Variants in LOXHD1 observed in about 807,000 individuals in gnomAD.
The protein encoded by LOXHD1 is lipoxygenase homology PLAT domains 1, also known as lipoxygenase homology domain-containing protein 1.
In LOXHD1, 205 loss-of-function variants were observed where a neutral mutation model predicts 248.2. The ratio of observed to expected loss-of-function variants is 0.83; its 90% CI spans 0.74 to 0.93. The LOEUF is 0.93. Ranked by LOEUF, LOXHD1 falls within the 40% of genes least tolerant of loss-of-function variation. The pLI is 0.00. For synonymous variants in LOXHD1, 1,113 were observed against 1,162.8 expected (o/e 0.96, Z 0.87); for missense variants, 2,930 against 2,971.6 (o/e 0.99, Z 0.33).
At chr18:46,593,876 G>C in intron 9 of LOXHD1, 116 bp from the exon 10 acceptor site, 1 of 1,058,286 alleles carries the variant, frequency 9.4e-7, no homozygotes. Flanking sequence ...GGTATACACA[G>C]GTGTGTCCCA....
At chr18:46,532,712 A>T (rs41473151) in intron 28 of LOXHD1, among the ~76,000 whole-genome samples, 27,571 of 152,198 alleles carry the variant, frequency 0.18, 2,693 homozygotes, top group Middle Eastern at 0.23. Context: ...GAACAAATAC[A>T]CAATGGTTCC....
intron 34 of LOXHD1, among the ~76,000 whole-genome samples, chr18:46,512,949 T>C (rs2035052647): frequency 6.6e-6 from 1 of 152,120 alleles, no homozygotes; most frequent in African/African-American, 2.4e-5. Context: ...AAATAAGATA[T>C]ATGGCCTGAT....
In LOXHD1 at chr18:46,548,418, G is replaced by C. The variant is rs187325309; in HGVS notation, c.3351-1360C>G. Among the ~76,000 whole-genome samples, 18 of 152,282 alleles carry C rather than the reference G, an allele frequency of 1.2e-4. No individual in the cohort carries two copies. The East Asian group carries it at 3.1e-3, about 26-fold the overall frequency. ...AATGTTAGAGGAGCAGAACCAGAGA[G>C]CGAGATCTCAGTCAATGGGCTCAGA... is the stretch of plus-strand genomic sequence containing the variant. On this transcript the variant is annotated intron_variant, in intron 21 of 40. Coordinates refer to ENST00000642948, the MANE Select transcript of LOXHD1 (RefSeq NM_001384474.1).
intron 3 of LOXHD1, among the ~76,000 whole-genome samples, chr18:46,640,339 T>G (rs1172356178): frequency 1.3e-5 from 2 of 152,170 alleles, no homozygotes; most frequent in African/African-American, 2.4e-5. Context: ...CCCATTGCTG[T>G]GAGATGATTA....
chr18:46,538,662 T>C (rs778631550), intron 25 of LOXHD1, among the ~76,000 whole-genome samples: 1 of 152,214 alleles, frequency 6.6e-6, no homozygotes, highest in Non-Finnish European at 1.5e-5. Flanking sequence ...ATCCCAGCTC[T>C]GTCTTGACCA....
intron 33 of LOXHD1, 43 bp from the exon 34 acceptor site, chr18:46,518,299 T>C: frequency 1.3e-6 from 2 of 1,543,312 alleles, no homozygotes; most frequent in East Asian, 2.5e-5. Context: ...AGCCTCACCC[T>C]CCAACCCCAC....
Position 46,569,627 on chromosome 18 carries a change from G to A in LOXHD1, c.2059C>T (p.His687Tyr). ...ACATCCCCAGTCTTCAAGCTGATGT[G>A]ATAGCGAAAGTCTGAACAGCCCAAG... ...SSATLKNFRY[H>Y]ISLKTGDVSG... The change falls in exon 16 of 41, where the codon CAC becomes TAC. Residue 687 changes from histidine (H) to tyrosine (Y), a missense_variant. Coordinates refer to ENST00000642948, the MANE Select transcript of LOXHD1 (RefSeq NM_001384474.1). 2 of 1,550,930 alleles carry A rather than the reference G, an allele frequency of 1.3e-6. No individual in the cohort carries two copies. Among genetic ancestry groups the A allele is most frequent in the Non-Finnish European group, 8.7e-7 (1 of 1,146,326 alleles).
intron 37 of LOXHD1, among the ~76,000 whole-genome samples, chr18:46,496,232 C>A (rs1228630528): frequency 6.6e-6 from 1 of 152,130 alleles, no homozygotes; most frequent in Non-Finnish European, 1.5e-5. Context: ...ATTCATAATT[C>A]TTGAACTTGG....
At chr18:46,607,816 G>A (rs938943680) in intron 6 of LOXHD1, among the ~76,000 whole-genome samples, 2 of 151,992 alleles carry the variant, frequency 1.3e-5, no homozygotes, top group Admixed American at 6.6e-5. Context: ...GGTTTTGGAA[G>A]GTAGAGAATG....
intron 2 of LOXHD1, among the ~76,000 whole-genome samples, chr18:46,644,742 G>A (rs985521724): frequency 2.6e-5 from 4 of 152,064 alleles, no homozygotes; most frequent in Middle Eastern, 3.4e-3. Flanking sequence ...AAAAAAAAAT[G>A]TGAGTTATCT....
intron 21 of LOXHD1, among the ~76,000 whole-genome samples, chr18:46,551,022 C>T (rs1302681821): frequency 1.3e-5 from 2 of 152,138 alleles, no homozygotes; most frequent in African/African-American, 2.4e-5. Context: ...AATTGAAAGC[C>T]ATTGTCTCCT....
chr18:46,485,853 C>T (rs922018015), intron 38 of LOXHD1, among the ~76,000 whole-genome samples: 2 of 152,128 alleles, frequency 1.3e-5, no homozygotes, highest in South Asian at 4.1e-4. Flanking sequence ...TGTCCTGGTA[C>T]TTTCTCTCTT....
chr18:46,601,252 T>A lies in LOXHD1; in HGVS notation c.1099A>T (p.Asn367Tyr). The A allele has an allele frequency of 6.4e-7, 1 of 1,551,616 alleles. No individual in the cohort carries two copies. The highest frequency in any genetic ancestry group is 1.4e-5 in the African/African-American group (1 of 73,148). Residue 367 changes from asparagine to tyrosine, a missense_variant, in exon 8 of 41, where the codon AAT (asparagine) becomes TAT (tyrosine). Transcript: ENST00000642948. ...PLSRVSVGHG[N>Y]VGVNRGWFCE... ...AACCAGCCTCTGTTGACACCCACAT[T>A]GCCATGCCCGACGGAGACCCGACTC...
chr18:46,482,877 C>T (rs1375556143), intron 40 of LOXHD1, among the ~76,000 whole-genome samples: 1 of 152,186 alleles, frequency 6.6e-6, no homozygotes, highest in African/African-American at 2.4e-5. Flanking sequence ...TTTCACTTAC[C>T]CTTTGGCAAG....
chr18:46,601,795 A>G (rs2038344636), intron 7 of LOXHD1: 1 of 334,130 alleles, frequency 3.0e-6, no homozygotes, highest in African/African-American at 2.1e-5. Context: ...ATTAATGATA[A>G]TTACCATGCG....
chr18:46,511,147 G>A (rs2034935076), intron 34 of LOXHD1, among the ~76,000 whole-genome samples: 1 of 152,174 alleles, frequency 6.6e-6, no homozygotes, highest in South Asian at 2.1e-4. Flanking sequence ...AGACTGCAAG[G>A]AGATTACATT....
chr18:46,552,157 T>C (rs951080834), intron 21 of LOXHD1, among the ~76,000 whole-genome samples: 1 of 152,250 alleles, frequency 6.6e-6, no homozygotes, highest in East Asian at 1.9e-4. Context: ...TTAACACTAT[T>C]GAACTGTACA....
At chr18:46,557,243 A>G in intron 21 of LOXHD1, 113 bp downstream of exon 21, 2 of 1,202,240 alleles carry the variant, frequency 1.7e-6, no homozygotes, top group Middle Eastern at 1.9e-4. Context: ...GCCCACCCTC[A>G]CCCTCCACCG....
intron 34 of LOXHD1, 65 bp downstream of exon 34, chr18:46,518,064 A>G: frequency 2.0e-6 from 3 of 1,508,074 alleles, no homozygotes; most frequent in Non-Finnish European, 2.7e-6. Flanking sequence ...GGCTGAAGGC[A>G]GGGTGGGGCA....
Sources: gnomAD v4.1 joint callset for allele counts (sites outside exome capture counted in the v4.1 genomes callset) on GRCh38, gnomAD v4.1.1 for gene constraint, MANE v1.5 for transcripts, NCBI Gene and HGNC (gene_info 2026-07-23, HGNC 2026-07-21) for gene names.